The following DPP10 variants were observed in gnomAD, a reference collection of about 807,000 sequenced individuals.
DPP10 encodes inactive dipeptidyl peptidase 10.
Under a neutral mutation model 120.9 loss-of-function variants are expected in DPP10, and 33 were observed. The ratio of observed to expected loss-of-function variants is 0.27; its 90% CI spans 0.21 to 0.37. DPP10 has a LOEUF of 0.37. Among genes scored for constraint, DPP10 ranks in the 10% least tolerant of loss-of-function variants. DPP10 has a pLI of 1.00. For missense variants in DPP10, 816 were observed against 942.8 expected, an observed-to-expected ratio of 0.87 and a Z score of 1.76; for synonymous variants, 337 against 326.1, an observed-to-expected ratio of 1.03 and a Z score of -0.36.
intron 1 of DPP10, among the ~76,000 whole-genome samples, chr2:114,966,760 G>A (rs1699061128): frequency 6.6e-6 from 1 of 152,216 alleles, no homozygotes; most frequent in Non-Finnish European, 1.5e-5. Flanking sequence ...TACAAGAGAA[G>A]GCTGGGTGCA....
At chr2:114,762,019 G>A (rs984853522) in intron 1 of DPP10, among the ~76,000 whole-genome samples, 5 of 152,078 alleles carry the variant, frequency 3.3e-5, no homozygotes, top group Admixed American at 1.3e-4. Context: ...TACTTTCCCT[G>A]TCTCATTTGA....
chr2:114,542,313 G>A (rs1438362098), intron 1 of DPP10, among the ~76,000 whole-genome samples: 1 of 151,978 alleles, frequency 6.6e-6, no homozygotes, highest in East Asian at 1.9e-4. Context: ...CTCCCAAAGT[G>A]CTGGGATTAC....
chr2:115,150,711 G>A (rs998866735), intron 1 of DPP10, among the ~76,000 whole-genome samples: 1 of 152,150 alleles, frequency 6.6e-6, no homozygotes, highest in African/African-American at 2.4e-5. Flanking sequence ...GTTCGCAGTG[G>A]CTCTTAGTGA....
intron 1 of DPP10, among the ~76,000 whole-genome samples, chr2:114,829,369 T>A (rs961094910): frequency 2.7e-5 from 4 of 146,612 alleles, no homozygotes; most frequent in Non-Finnish European, 4.5e-5. Flanking sequence ...ATAAGACGTT[T>A]TTGTCTTTTT....
intron 5 of DPP10, among the ~76,000 whole-genome samples, chr2:115,565,774 T>A (rs1170758692): frequency 4.0e-4 from 59 of 147,896 alleles, no homozygotes; most frequent in Admixed American, 2.0e-3. Flanking sequence ...GTTTTGTTTT[T>A]TTTTGTTTTT....
At chr2:115,249,945 A>T (rs2058684834) in intron 1 of DPP10, among the ~76,000 whole-genome samples, 1 of 152,182 alleles carries the variant, frequency 6.6e-6, no homozygotes, top group Non-Finnish European at 1.5e-5. Flanking sequence ...GCAATGGGTG[A>T]GTTACTAGAC....
intron 1 of DPP10, among the ~76,000 whole-genome samples, chr2:114,667,861 CAG>C (rs1352674343): frequency 1.3e-5 from 2 of 152,098 alleles, no homozygotes; most frequent in Non-Finnish European, 2.9e-5. Context: ...ATAACTGTAA[CAG>C]AGAATGTTCT....
chr2:114,922,289 T>C (rs551759482), intron 1 of DPP10, among the ~76,000 whole-genome samples: 2 of 152,302 alleles, frequency 1.3e-5, no homozygotes, highest in African/African-American at 4.8e-5. Context: ...CTCTGTTTCA[T>C]AGCTTTGCCT....
At chr2:114,617,456 T>C (rs754905822) in intron 1 of DPP10, among the ~76,000 whole-genome samples, 9 of 151,972 alleles carry the variant, frequency 5.9e-5, no homozygotes, top group Non-Finnish European at 1.2e-4. Flanking sequence ...TTGGAGAAAA[T>C]ATATTAAATG....
chr2:114,956,646 T>C (rs1215742400), intron 1 of DPP10, among the ~76,000 whole-genome samples: 3 of 152,124 alleles, frequency 2.0e-5, no homozygotes, highest in Non-Finnish European at 4.4e-5. Flanking sequence ...AAAGCAATTG[T>C]AAGCAAAAAG....
chr2:114,662,401 G>C (rs752567217), intron 1 of DPP10, among the ~76,000 whole-genome samples: 21 of 152,320 alleles, frequency 1.4e-4, no homozygotes, highest in Non-Finnish European at 2.5e-4. Context: ...GCGCCGCCCT[G>C]AGCACAGGCG....
At chr2:114,662,638 C>G (rs1472556309) in intron 1 of DPP10, among the ~76,000 whole-genome samples, 2 of 152,150 alleles carry the variant, frequency 1.3e-5, no homozygotes, top group Non-Finnish European at 2.9e-5. Context: ...ACCGCGTCCA[C>G]GGAGAGAGCA....
At chr2:115,679,869 G>T (rs1029803807) in intron 5 of DPP10, among the ~76,000 whole-genome samples, 2 of 151,724 alleles carry the variant, frequency 1.3e-5, no homozygotes, top group African/African-American at 4.8e-5. Context: ...GATAGAAAGA[G>T]GTTTCATAAA....
At chr2:115,011,852 G>T (rs1702288528) in intron 1 of DPP10, among the ~76,000 whole-genome samples, 1 of 151,984 alleles carries the variant, frequency 6.6e-6, no homozygotes, top group Non-Finnish European at 1.5e-5. Flanking sequence ...GAGTCTGCTT[G>T]CTTTTTCAAT....
At chr2:114,831,616 C>T (rs1687129113) in intron 1 of DPP10, among the ~76,000 whole-genome samples, 2 of 151,958 alleles carry the variant, frequency 1.3e-5, no homozygotes, top group South Asian at 2.1e-4. Context: ...AAAGCACGAG[C>T]AATAAAGACA....
intron 1 of DPP10, among the ~76,000 whole-genome samples, chr2:114,953,794 A>G (rs866115829): frequency 4.6e-5 from 7 of 152,160 alleles, no homozygotes; most frequent in Non-Finnish European, 1.0e-4. Context: ...TTTTAAAACT[A>G]CTGATTATTT....
At chr2:115,464,405 C>CA (rs56750262) in intron 3 of DPP10, among the ~76,000 whole-genome samples, 114,078 of 149,256 alleles carry the variant, frequency 0.76, 46,021 homozygotes, top group Non-Finnish European at 0.89. Flanking sequence ...GTTCTGCAGC[C>CA]AAAAAAAAAC....
rs1028007613 is a variant in DPP10, at chr2:114,914,092, A to G, written c.61-395147A>G. On this transcript the variant is annotated intron_variant, in intron 1 of 25. Coordinates refer to ENST00000410059, the MANE Select transcript of DPP10 (RefSeq NM_020868.6). ...GGGATTATGTAAAGAGACCAAATCTATGATTCATTGGCATCCTAGAAAGAG... is the reference window on the plus strand; with the variant it reads ...GGGATTATGTAAAGAGACCAAATCTGTGATTCATTGGCATCCTAGAAAGAG... Among the ~76,000 whole-genome samples, 48 of 152,244 alleles carry G rather than the reference A, an allele frequency of 3.2e-4. 1 individual carries two copies. Among genetic ancestry groups the G allele is most frequent in the Non-Finnish European group, 4.4e-5 (3 of 68,042 alleles).
At chr2:115,574,451 C>T (rs576600084) in intron 5 of DPP10, among the ~76,000 whole-genome samples, 1 of 152,296 alleles carries the variant, frequency 6.6e-6, no homozygotes, top group East Asian at 1.9e-4. Flanking sequence ...TGCAACACTT[C>T]CTGCCTCTGA....
Sources: gnomAD v4.1 joint callset for allele counts (sites outside exome capture counted in the v4.1 genomes callset) on GRCh38, gnomAD v4.1.1 for gene constraint, MANE v1.5 for transcripts, NCBI Gene and HGNC (gene_info 2026-07-23, HGNC 2026-07-21) for gene names.